Variants in RGS6 observed in about 807,000 individuals in gnomAD.
RGS6 encodes the protein regulator of G protein signaling 6.
Under a neutral mutation model 78.5 loss-of-function variants are expected in RGS6, and 30 were observed. The observed-to-expected ratio is 0.38, with a 90% confidence interval of 0.29 to 0.52. RGS6 has a LOEUF of 0.52. RGS6 is among the 20% of genes least tolerant of loss of function. RGS6 has a pLI of 0.85. For missense variants in RGS6, 495 were observed against 609.7 expected (o/e 0.81, Z 1.98); for synonymous variants, 206 against 206.0 (o/e 1.00, Z 0.00).
At chr14:71,890,358 C>CAGACAGACAGAGAGAGAG in the RGS6 span, among the ~76,000 whole-genome samples, 68 of 133,088 alleles carry the variant, frequency 5.1e-4, no homozygotes, top group African/African-American at 1.9e-3. Context: ...GTGCATAAGA[C>CAGACAGACAGAGAGAGAG]AGAGAGAGAG....
chr14:72,494,071 GAA>G (rs2096612718), intron 12 of RGS6, among the ~76,000 whole-genome samples: 1 of 152,186 alleles, frequency 6.6e-6, no homozygotes, highest in African/African-American at 2.4e-5. Context: ...TTTCGAGCAA[GAA>G]GACTAAAGAC....
At chr14:72,459,773 G>A (rs2095730449) in intron 6 of RGS6, 90 bp downstream of exon 6, 2 of 1,292,392 alleles carry the variant, frequency 1.5e-6, no homozygotes, top group Non-Finnish European at 1.1e-6. Context: ...GTGGGCCATG[G>A]TGGTACATGG....
chr14:72,376,016 C>T (rs74641108), intron 3 of RGS6, among the ~76,000 whole-genome samples: 1,846 of 152,108 alleles, frequency 0.012, 32 homozygotes, highest in African/African-American at 0.042. Context: ...TAATAAACCC[C>T]AATCATAAGG....
intron 2 of RGS6, among the ~76,000 whole-genome samples, chr14:72,134,303 C>A (rs1269805787): frequency 6.6e-6 from 1 of 152,166 alleles, no homozygotes; most frequent in Non-Finnish European, 1.5e-5. Context: ...GTGGTTAGTT[C>A]ATAACTCTCT....
chr14:71,924,530 G>T, the RGS6 span, among the ~76,000 whole-genome samples: 3 of 152,018 alleles, frequency 2.0e-5, no homozygotes, highest in Admixed American at 6.6e-5. Context: ...TGTCCCCTTT[G>T]ACCTACATCT....
the RGS6 span, among the ~76,000 whole-genome samples, chr14:72,573,024 T>C: frequency 1.9e-3 from 289 of 152,136 alleles, 2 homozygotes; most frequent in African/African-American, 6.1e-3. Context: ...GGGCTGGTCC[T>C]TAGAGAAAGT....
At chr14:72,491,740 C>T (rs1054472423) in intron 12 of RGS6, among the ~76,000 whole-genome samples, 2 of 152,016 alleles carry the variant, frequency 1.3e-5, no homozygotes, top group South Asian at 2.1e-4. Context: ...ACATTCTAAC[C>T]TACATGTTGG....
chr14:72,406,912 C>G (rs1234409580), intron 3 of RGS6, among the ~76,000 whole-genome samples: 1 of 152,204 alleles, frequency 6.6e-6, no homozygotes, highest in Non-Finnish European at 1.5e-5. Context: ...GATATCCAGC[C>G]ATGATCTCAA....
chr14:72,130,305 A>G (rs572186570), intron 2 of RGS6, among the ~76,000 whole-genome samples: 1 of 152,192 alleles, frequency 6.6e-6, no homozygotes, highest in Non-Finnish European at 1.5e-5. Context: ...CCTGAACCCC[A>G]TTGTTCAAGA....
intron 2 of RGS6, among the ~76,000 whole-genome samples, chr14:71,992,660 G>T (rs188498774): frequency 6.6e-6 from 1 of 152,128 alleles, no homozygotes; most frequent in African/African-American, 2.4e-5. Context: ...ATGTTTTTAC[G>T]CACGTTAGTA....
chr14:71,869,481 GA>G, the RGS6 span, among the ~76,000 whole-genome samples: 6 of 152,170 alleles, frequency 3.9e-5, no homozygotes, highest in African/African-American at 1.2e-4. Flanking sequence ...GTAATTGGGG[GA>G]AACAAAATTA....
chr14:72,478,198 G>T, intron 11 of RGS6, 70 bp from the exon 12 acceptor site: 2 of 1,094,856 alleles, frequency 1.8e-6, no homozygotes, highest in South Asian at 1.3e-5. Context: ...TGCAGGATTT[G>T]GGTTTGTGGA....
chr14:72,387,089 A>C (rs1204934916), intron 3 of RGS6, among the ~76,000 whole-genome samples: 1 of 152,200 alleles, frequency 6.6e-6, no homozygotes. Context: ...ATGTCTTTTT[A>C]TAATTTAAAT....
At chr14:72,472,827 CAG>C (rs1215282457) in intron 8 of RGS6, 43 bp from the exon 9 acceptor site, 32 of 1,425,176 alleles carry the variant, frequency 2.2e-5, no homozygotes, top group Non-Finnish European at 2.8e-5. Flanking sequence ...GAAGGGAAAA[CAG>C]AATACAGAGC....
At chr14:72,455,077 A>G (rs974027673) in intron 4 of RGS6, among the ~76,000 whole-genome samples, 2 of 152,206 alleles carry the variant, frequency 1.3e-5, no homozygotes, top group African/African-American at 4.8e-5. Context: ...ACCCTGGCCA[A>G]TAAAACAATT....
Position 72,446,315 on chromosome 14 carries a change from C to T in RGS6, c.185-8213C>T, listed in dbSNP as rs143311324. ...TGATACCTTGTCATGGAAGTCATAG[C>T]AAACTAATATAGAAGAGGAAACAGA... On this transcript the variant is annotated intron_variant, in intron 3 of 17. Transcript: ENST00000553525. Among the ~76,000 whole-genome samples the T allele has an allele frequency of 4.7e-3, 714 of 152,284 alleles. 4 individuals carry two copies. The highest frequency in any genetic ancestry group is 0.016 in the African/African-American group (658 of 41,554).
chr14:72,516,163 G>A (rs912234828), intron 14 of RGS6, among the ~76,000 whole-genome samples: 4 of 152,326 alleles, frequency 2.6e-5, no homozygotes, highest in East Asian at 1.9e-4. Context: ...CAGGTTCCCC[G>A]CATCTTTCAC....
the RGS6 span, among the ~76,000 whole-genome samples, chr14:72,593,245 G>A: frequency 3.0e-4 from 46 of 152,274 alleles, no homozygotes; most frequent in African/African-American, 7.0e-4. Flanking sequence ...CTGAACATCC[G>A]CTCTGAGCAG....
At chr14:72,606,306 T>A in the RGS6 span, among the ~76,000 whole-genome samples, 1 of 152,056 alleles carries the variant, frequency 6.6e-6, no homozygotes, top group African/African-American at 2.4e-5. Flanking sequence ...ACCCGCTAAG[T>A]CTAGGGCTGA....
Sources: gnomAD v4.1 joint callset for allele counts (sites outside exome capture counted in the v4.1 genomes callset) on GRCh38, gnomAD v4.1.1 for gene constraint, MANE v1.5 for transcripts, NCBI Gene and HGNC (gene_info 2026-07-23, HGNC 2026-07-21) for gene names.